Variants in MAGI1 observed in about 807,000 individuals in gnomAD.
MAGI1 encodes membrane-associated guanylate kinase, WW and PDZ domain-containing protein 1.
MAGI1 carries 58 observed loss-of-function variants against 139.9 expected under a neutral mutation model. The ratio of observed to expected loss-of-function variants is 0.41; its 90% confidence interval spans 0.34 to 0.52. MAGI1 has a LOEUF of 0.52. Ranked by LOEUF, MAGI1 falls within the 20% of genes least tolerant of loss-of-function variation. The pLI is 0.12. For synonymous variants in MAGI1, 812 were observed against 737.9 expected, an observed-to-expected ratio of 1.10 and a Z score of -1.63; for missense variants, 1,874 against 1,901.6, an observed-to-expected ratio of 0.99 and a Z score of 0.27.
chr3:65,708,153 T>C (rs780377374), intron 1 of MAGI1, among the ~76,000 whole-genome samples: 4 of 152,156 alleles, frequency 2.6e-5, no homozygotes, highest in Non-Finnish European at 4.4e-5. Flanking sequence ...AATGCCTCTC[T>C]TACCTGAGGT....
chr3:65,530,892 G>A (rs1192163722), intron 2 of MAGI1, among the ~76,000 whole-genome samples: 1 of 147,110 alleles, frequency 6.8e-6, no homozygotes, highest in Non-Finnish European at 1.5e-5. Context: ...GAGGAGGGGT[G>A]GGGTTTGGAG....
chr3:66,008,190 C>T (rs957517631), intron 1 of MAGI1, among the ~76,000 whole-genome samples: 8 of 152,076 alleles, frequency 5.3e-5, no homozygotes, highest in Non-Finnish European at 8.8e-5. Flanking sequence ...AGCCACCATG[C>T]CCAGCCTGGC....
chr3:65,383,507 G>A, intron 15 of MAGI1, 25 bp downstream of exon 15: 1 of 1,562,970 alleles, frequency 6.4e-7, no homozygotes, highest in African/African-American at 1.4e-5. Context: ...AATATGCTGG[G>A]AAGAGAGACA....
chr3:65,813,313 A>G (rs2041399331), intron 1 of MAGI1, among the ~76,000 whole-genome samples: 1 of 152,162 alleles, frequency 6.6e-6, no homozygotes, highest in South Asian at 2.1e-4. Flanking sequence ...TCACTCCTCA[A>G]CTGGCTGCTC....
intron 2 of MAGI1, among the ~76,000 whole-genome samples, chr3:65,551,758 A>G (rs911207722): frequency 1.3e-5 from 2 of 152,364 alleles, no homozygotes; most frequent in Middle Eastern, 3.4e-3. Flanking sequence ...AGACTATACA[A>G]TCCACACTAA....
intron 2 of MAGI1, among the ~76,000 whole-genome samples, chr3:65,496,442 G>C (rs2107681375): frequency 6.6e-6 from 1 of 152,270 alleles, no homozygotes; most frequent in South Asian, 2.1e-4. Flanking sequence ...CAGTTGGGTG[G>C]TTACCATAGT....
chr3:65,354,350 T>C lies in MAGI1; in HGVS notation c.*2028A>G, dbSNP rs1340190157. 1 of 152,686 alleles carries C rather than the reference T, an allele frequency of 6.5e-6. No homozygotes were observed. Among genetic ancestry groups the C allele is most frequent in the Non-Finnish European group, 1.5e-5 (1 of 68,042 alleles). 9.5% of individuals were successfully genotyped at this position (152,686 alleles called of 1,614,324 possible). ...GTCTGTTCCAGGAAAGGAACTTGTT[T>C]TATAAATGTCCACACAACTACAGCT... On this transcript the variant is annotated 3_prime_UTR_variant, in exon 23 of 23. Transcript: ENST00000402939.
intron 1 of MAGI1, among the ~76,000 whole-genome samples, chr3:65,927,753 G>C (rs1374060570): frequency 6.6e-6 from 1 of 152,262 alleles, no homozygotes; most frequent in Middle Eastern, 3.4e-3. Context: ...CATCAGCCAA[G>C]AGTATGACAG....
intron 1 of MAGI1, among the ~76,000 whole-genome samples, chr3:65,725,034 ATCTC>A (rs1043076849): frequency 2.6e-5 from 4 of 152,210 alleles, no homozygotes; most frequent in South Asian, 2.1e-4. Context: ...CCCAGCTGAA[ATCTC>A]TCTATTTCAT....
intron 1 of MAGI1, among the ~76,000 whole-genome samples, chr3:65,829,906 T>G (rs2042434984): frequency 6.6e-6 from 1 of 152,222 alleles, no homozygotes; most frequent in Non-Finnish European, 1.5e-5. Flanking sequence ...TAAACAGTTG[T>G]GCTTTCAGTA....
At chr3:65,704,078 G>C (rs1315939319) in intron 1 of MAGI1, among the ~76,000 whole-genome samples, 2 of 152,090 alleles carry the variant, frequency 1.3e-5, no homozygotes, top group African/African-American at 4.8e-5. Flanking sequence ...GATGAGAAGA[G>C]GGGAAAGAAG....
Position 65,516,175 on chromosome 3 carries a change from CCT to C in MAGI1, c.431-22546_431-22545del, listed in dbSNP as rs994558203. Among the ~76,000 whole-genome samples, 14 of 150,408 alleles carry C rather than the reference CCT, an allele frequency of 9.3e-5. 1 individual carries two copies. The South Asian group carries it at 1.3e-3, about 14-fold the overall frequency. On this transcript the variant is annotated intron_variant, in intron 2 of 22. Coordinates refer to ENST00000402939, the MANE Select transcript of MAGI1 (RefSeq NM_001033057.2). The stretch of plus-strand genomic sequence containing the variant: ...GGACAACATACCAAGACCCTGTCTC[CCT>C]CTCTCTCTCTCTCTTTTTTTTGAGA...
intron 1 of MAGI1, among the ~76,000 whole-genome samples, chr3:65,790,440 A>G (rs1354892124): frequency 6.6e-6 from 1 of 152,188 alleles, no homozygotes; most frequent in East Asian, 1.9e-4. Context: ...AGACTCCACA[A>G]GTTTTTAATC....
intron 2 of MAGI1, among the ~76,000 whole-genome samples, chr3:65,589,611 C>T (rs575188689): frequency 1.2e-3 from 185 of 152,082 alleles, no homozygotes; most frequent in African/African-American, 4.4e-3. Context: ...TTTTTTCTGT[C>T]AAGGGTCAGA....
chr3:65,526,099 C>G (rs914484300), intron 2 of MAGI1, among the ~76,000 whole-genome samples: 1 of 152,172 alleles, frequency 6.6e-6, no homozygotes. Flanking sequence ...ATCTACATCA[C>G]CTAATAAATG....
chr3:65,407,426 G>A (rs1449518684), intron 12 of MAGI1, among the ~76,000 whole-genome samples: 6 of 146,776 alleles, frequency 4.1e-5, no homozygotes, highest in African/African-American at 1.3e-4. Flanking sequence ...CAGCTTGGGC[G>A]ACAGAGTGAG....
At chr3:65,869,241 G>C (rs2059837088) in intron 1 of MAGI1, among the ~76,000 whole-genome samples, 1 of 134,084 alleles carries the variant, frequency 7.5e-6, no homozygotes, top group African/African-American at 3.1e-5. Flanking sequence ...GGGTGACAGA[G>C]CGAGACTCCG....
At chr3:65,905,540 C>G (rs1306479899) in intron 1 of MAGI1, among the ~76,000 whole-genome samples, 2 of 151,796 alleles carry the variant, frequency 1.3e-5, no homozygotes, top group African/African-American at 2.4e-5. Flanking sequence ...CAGGGTCTCA[C>G]TCTGTCGCCC....
chr3:65,653,004 T>C (rs1328172054), intron 1 of MAGI1, among the ~76,000 whole-genome samples: 1 of 152,122 alleles, frequency 6.6e-6, no homozygotes, highest in Non-Finnish European at 1.5e-5. Context: ...TCATCAGAAG[T>C]CTACCAGGAG....
Sources: gnomAD v4.1 joint callset for allele counts (sites outside exome capture counted in the v4.1 genomes callset) on GRCh38, gnomAD v4.1.1 for gene constraint, MANE v1.5 for transcripts, NCBI Gene and HGNC (gene_info 2026-07-23, HGNC 2026-07-21) for gene names.